Variants in ANKRD42 observed in about 807,000 individuals in gnomAD.
ANKRD42 encodes the protein ankyrin repeat domain 42, also known as ankyrin repeat domain-containing protein 42.
Under a neutral mutation model 51.5 loss-of-function variants are expected in ANKRD42, and 43 were observed. That is an observed-to-expected ratio of 0.83 (90% confidence interval 0.65 to 1.08). ANKRD42 has a LOEUF of 1.08. Ranked by LOEUF, ANKRD42 falls within the 50% of genes least tolerant of loss-of-function variation. ANKRD42 has a pLI of 0.00. For missense variants in ANKRD42, 608 were observed against 629.3 expected (o/e 0.97, Z 0.36); for synonymous variants, 203 against 213.0 (o/e 0.95, Z 0.41).
chr11:83,261,695 G>T (rs1863933387), downstream of ANKRD42: 2 of 354,504 alleles, frequency 5.6e-6, no homozygotes, highest in African/African-American at 4.2e-5. Context: ...CTGAGTGACA[G>T]CTTTTCAATA....
intron 5 of ANKRD42, chr11:83,212,532 G>T: frequency 1.1e-6 from 1 of 898,618 alleles, no homozygotes; most frequent in Non-Finnish European, 1.8e-6. Context: ...AATTCTAAAG[G>T]ATAGATCACA....
At chr11:83,199,636 T>C (rs1296230591) in intron 2 of ANKRD42, among the ~76,000 whole-genome samples, 24 of 152,212 alleles carry the variant, frequency 1.6e-4, no homozygotes, top group Non-Finnish European at 2.9e-5. Context: ...AACTAGCACT[T>C]TTCTCATGAT....
rs749427473 is a variant in ANKRD42 at position 83,240,863 on chromosome 11, A to G, written c.1124A>G (p.His375Arg). 5.0e-6 allele frequency: 8 copies of G among 1,614,142 alleles called. No individual in the cohort carries two copies. The highest frequency in any genetic ancestry group is 1.6e-4 in the Middle Eastern group (1 of 6,062). ...DENDVKYFIRHGVEGSTDAKD... is the reference protein window; with the variant it reads ...DENDVKYFIRRGVEGSTDAKD... Reference sequence around the variant, plus strand: ...AATGATGTGAAATATTTTATAAGACATGGTGTTGAGGGAAGCACTGATGCC... The same window carrying G: ...AATGATGTGAAATATTTTATAAGACGTGGTGTTGAGGGAAGCACTGATGCC... The change falls in exon 9 of 11, where the codon CAT (histidine) becomes CGT (arginine). Residue 375 changes from histidine to arginine, a missense_variant. By Grantham distance (29) the His-to-Arg change is conservative. Transcript: ENST00000533342.
intron 5 of ANKRD42, among the ~76,000 whole-genome samples, chr11:83,217,373 C>G (rs1198729159): frequency 6.6e-6 from 1 of 152,178 alleles, no homozygotes; most frequent in East Asian, 1.9e-4. Context: ...GGGTGTGGGA[C>G]TTTTGGGCAT....
At chr11:83,232,111 T>A (rs1481076000) in intron 7 of ANKRD42, among the ~76,000 whole-genome samples, 2 of 151,556 alleles carry the variant, frequency 1.3e-5, no homozygotes, top group African/African-American at 4.9e-5. Context: ...CTTTTTTTTT[T>A]TTTTTTTCTA....
chr11:83,194,888 C>G (rs1226952794), intron 1 of ANKRD42, among the ~76,000 whole-genome samples, 160 bp downstream of exon 1: 1 of 152,204 alleles, frequency 6.6e-6, no homozygotes, highest in Non-Finnish European at 1.5e-5. Flanking sequence ...GTTCAGCTCT[C>G]CCCTGTTCTG....
intron 6 of ANKRD42, among the ~76,000 whole-genome samples, chr11:83,227,431 CAAAGGGTTTT>C (rs1862923013): frequency 6.6e-6 from 1 of 152,002 alleles, no homozygotes; most frequent in African/African-American, 2.4e-5. Context: ...TGTCTTTATA[CAAAGGGTTTT>C]AAAGGGTTTT....
intron 2 of ANKRD42, among the ~76,000 whole-genome samples, chr11:83,202,739 T>C (rs1861918782): frequency 6.6e-6 from 1 of 152,182 alleles, no homozygotes; most frequent in African/African-American, 2.4e-5. Context: ...CTAAATCTTA[T>C]AAATTTTAAA....
At chr11:83,216,196 C>G (rs993174199) in intron 5 of ANKRD42, among the ~76,000 whole-genome samples, 1 of 152,178 alleles carries the variant, frequency 6.6e-6, no homozygotes, top group Non-Finnish European at 1.5e-5. Context: ...TTATCACACA[C>G]CACAGTTACA....
intron 7 of ANKRD42, among the ~76,000 whole-genome samples, chr11:83,229,721 C>T (rs904348903): frequency 2.0e-5 from 3 of 152,066 alleles, no homozygotes; most frequent in African/African-American, 4.8e-5. Context: ...TGCTCTTCAC[C>T]CTCTTTTCGT....
intron 5 of ANKRD42, chr11:83,214,379 G>A (rs1862447780): frequency 3.1e-6 from 3 of 964,114 alleles, no homozygotes; most frequent in Non-Finnish European, 2.5e-6. Flanking sequence ...CAAGGTAGGG[G>A]TCAGTTTTAT....
Position 83,211,282 on chromosome 11 carries a change from A to G in ANKRD42, c.451-13A>G, listed in dbSNP as rs899199298. 6.2e-7 allele frequency: 1 copy of G among 1,614,004 alleles called. No individual in the cohort carries two copies. The highest frequency in any genetic ancestry group is 8.5e-7 in the Non-Finnish European group (1 of 1,179,916). On this transcript the variant is annotated splice_polypyrimidine_tract_variant and intron_variant, in intron 4 of 10. Transcript: ENST00000533342. Reference sequence around the variant, plus strand: ...ATGGGGAGAAACTAAGTCCTTGTGAATGTTACCTCTAGGATCCCAGTGTGA... The same window carrying G: ...ATGGGGAGAAACTAAGTCCTTGTGAGTGTTACCTCTAGGATCCCAGTGTGA...
chr11:83,198,710 A>C, intron 2 of ANKRD42, 68 bp downstream of exon 2: 1 of 1,431,218 alleles, frequency 7.0e-7, no homozygotes, highest in South Asian at 1.4e-5. Flanking sequence ...AATTTAGCAA[A>C]CAGGGCTGAG....
chr11:83,236,445 A>C lies in ANKRD42; in HGVS notation c.955A>C (p.Lys319Gln), dbSNP rs747060860. The C allele has an allele frequency of 1.7e-5, 27 of 1,612,292 alleles. No individual in the cohort carries two copies. The highest frequency in any genetic ancestry group is 2.0e-5 in the Non-Finnish European group (23 of 1,179,394). ...CATAGAGTGTTTGCAGTGGTTAATT[A>C]AAATGGGAGCAGACAGTAATATTAC... ...GHIECLQWLI[K>Q]MGADSNITNK... Residue 319 changes from lysine (K) to glutamine (Q), a missense_variant, in exon 8 of 11, where the codon AAA (lysine) becomes CAA (glutamine). Lys to Gln is a moderately conservative substitution (Grantham distance 53). Coordinates refer to ENST00000533342, the MANE Select transcript of ANKRD42 (RefSeq NM_001300975.2).
Position 83,255,873 on chromosome 11 carries a change from AAG to A in ANKRD42, c.1497_1498del (p.Lys500GlufsTer28). On this transcript the variant is annotated frameshift_variant, in exon 12 of 12. Coordinates refer to the ANKRD42 transcript ENST00000260047. LOFTEE classifies it high-confidence loss of function. ...GACAGCGCTTCTTGTGAGTCAAACA[AAG>A]AGAAGAGGCGAGTAAAAAAAAAGGT... 1 of 1,534,520 alleles carries A rather than the reference AAG, an allele frequency of 6.5e-7. No homozygotes were observed. Among genetic ancestry groups the A allele is most frequent in the Non-Finnish European group, 8.7e-7 (1 of 1,146,322 alleles).
chr11:83,223,733 G>A (rs1399077079), intron 5 of ANKRD42, among the ~76,000 whole-genome samples: 4 of 152,278 alleles, frequency 2.6e-5, no homozygotes, highest in East Asian at 3.9e-4. Flanking sequence ...AGGATAGATT[G>A]ATATGTGCCA....
chr11:83,257,397 T>G (rs1053984280), downstream of ANKRD42: 3 of 438,922 alleles, frequency 6.8e-6, no homozygotes, highest in Non-Finnish European at 1.4e-5. Flanking sequence ...TAGAGGCAAG[T>G]AGGAAAAAAG....
downstream of ANKRD42, among the ~76,000 whole-genome samples, chr11:83,252,719 G>T (rs1413363837): frequency 6.6e-6 from 1 of 152,084 alleles, no homozygotes; most frequent in Non-Finnish European, 1.5e-5. Flanking sequence ...CTTTATCTCA[G>T]TCATGGTCAC....
At chr11:83,256,849 G>C (rs984713073), downstream of ANKRD42, among the ~76,000 whole-genome samples, 1 of 152,066 alleles carries the variant, frequency 6.6e-6, no homozygotes, top group Non-Finnish European at 1.5e-5. Flanking sequence ...GTTAAAAAAT[G>C]AACTTTGGCT....
Sources: allele counts gnomAD v4.1 joint callset (sites outside exome capture counted in the v4.1 genomes callset), GRCh38; gene constraint gnomAD v4.1.1; transcripts MANE v1.5; gene names NCBI Gene and HGNC (gene_info 2026-07-23, HGNC 2026-07-21).